C8orf34: variants seen among roughly 807,000 people sequenced by gnomAD.
C8orf34 encodes uncharacterized protein C8orf34.
Under a neutral mutation model 68.3 loss-of-function variants are expected in C8orf34, and 65 were observed. The observed-to-expected ratio is 0.95, with a 90% CI of 0.78 to 1.17. The LOEUF is 1.17. C8orf34 is among the 50% of genes most tolerant of loss of function. The pLI is 0.00. For missense variants in C8orf34, 664 were observed against 655.4 expected (o/e 1.01, Z -0.14); for synonymous variants, 244 against 241.2 (o/e 1.01, Z -0.11).
intron 12 of C8orf34, among the ~76,000 whole-genome samples, chr8:68,794,492 TATATATATATATA>T (rs1252581139): frequency 0.022 from 1,985 of 90,850 alleles, 58 homozygotes; most frequent in Middle Eastern, 0.054. Flanking sequence ...AATATATATA[TATATATATATATA>T]TTTTTTTTTT....
At chr8:68,641,522 G>A (rs142170416) in intron 8 of C8orf34, among the ~76,000 whole-genome samples, 91 of 152,240 alleles carry the variant, frequency 6.0e-4, no homozygotes, top group African/African-American at 2.1e-3. Flanking sequence ...TTTTTTAGTA[G>A]GGCTGTGAAG....
chr8:68,650,635 A>G (rs1200264842), intron 8 of C8orf34, among the ~76,000 whole-genome samples: 2 of 151,538 alleles, frequency 1.3e-5, no homozygotes, highest in Non-Finnish European at 2.9e-5. Context: ...GCCCGCCACC[A>G]CGCCCGGCTA....
chr8:68,598,360 T>C (rs1380569043), intron 7 of C8orf34, among the ~76,000 whole-genome samples: 1 of 152,122 alleles, frequency 6.6e-6, no homozygotes, highest in East Asian at 1.9e-4. Flanking sequence ...TACTTTTGCT[T>C]ATGGAGATCA....
At chr8:68,368,201 T>C (rs1171252642) in intron 1 of C8orf34, among the ~76,000 whole-genome samples, 2 of 152,164 alleles carry the variant, frequency 1.3e-5, no homozygotes, top group East Asian at 1.9e-4. Context: ...TTAATTATGA[T>C]GCAGGAAAGT....
rs530226273 is a variant in C8orf34 at position 68,466,344 on chromosome 8, G to A, written c.608-2348G>A. ...AGAGTAGGGTGACTATAGTTAACAC[G>A]AGTGTACTGTACTCAGTAGATGCAC... On this transcript the variant is annotated intron_variant, in intron 3 of 13. Transcript: ENST00000518698. Among the ~76,000 whole-genome samples the A allele has an allele frequency of 4.6e-5, 7 of 152,066 alleles. No homozygotes were observed. In the South Asian group the frequency reaches 1.2e-3, roughly 27 times the overall value.
chr8:68,504,081 A>T (rs1586275843), intron 5 of C8orf34, among the ~76,000 whole-genome samples: 2 of 151,940 alleles, frequency 1.3e-5, no homozygotes, highest in Non-Finnish European at 1.5e-5. Flanking sequence ...AGTTACTCTC[A>T]CTCCCCAGTC....
chr8:68,570,999 C>T (rs1289654551), intron 7 of C8orf34, among the ~76,000 whole-genome samples: 2 of 152,148 alleles, frequency 1.3e-5, no homozygotes, highest in African/African-American at 4.8e-5. Flanking sequence ...ACTTTTGTTC[C>T]TCTCTTATCA....
intron 1 of C8orf34, among the ~76,000 whole-genome samples, chr8:68,409,400 T>C (rs2591017): frequency 0.56 from 85,760 of 151,846 alleles, 24,267 homozygotes; most frequent in Non-Finnish European, 0.59. Context: ...CCTGACCCTG[T>C]GTAGGCCTAG....
At chr8:68,671,769 C>T (rs908724472) in intron 8 of C8orf34, among the ~76,000 whole-genome samples, 1 of 152,076 alleles carries the variant, frequency 6.6e-6, no homozygotes, top group African/African-American at 2.4e-5. Flanking sequence ...TGGTTTATTT[C>T]TTATTAAATT....
At chr8:68,424,669 G>C (rs944425651) in intron 1 of C8orf34, among the ~76,000 whole-genome samples, 2 of 152,156 alleles carry the variant, frequency 1.3e-5, no homozygotes, top group African/African-American at 4.8e-5. Context: ...GGGAGGCTGA[G>C]GCGGGCAGAT....
intron 12 of C8orf34, among the ~76,000 whole-genome samples, chr8:68,803,814 C>T (rs1824402314): frequency 6.6e-6 from 1 of 151,894 alleles, no homozygotes; most frequent in South Asian, 2.1e-4. Flanking sequence ...ATCAGTGGGT[C>T]ATTTTTTTTT....
chr8:68,559,280 G>T (rs1268018256), intron 7 of C8orf34, among the ~76,000 whole-genome samples: 1 of 152,186 alleles, frequency 6.6e-6, no homozygotes, highest in Non-Finnish European at 1.5e-5. Flanking sequence ...CAGCCTGAGT[G>T]AAGGCTGGTA....
At chr8:68,724,042 C>T (rs1223324719) in intron 10 of C8orf34, among the ~76,000 whole-genome samples, 2 of 152,012 alleles carry the variant, frequency 1.3e-5, no homozygotes, top group African/African-American at 4.8e-5. Flanking sequence ...TGGAATAAAA[C>T]AATACATGAA....
chr8:68,754,835 AT>A (rs1218313415), intron 10 of C8orf34, among the ~76,000 whole-genome samples: 1 of 152,236 alleles, frequency 6.6e-6, no homozygotes, highest in Non-Finnish European at 1.5e-5. Context: ...GGTAGAACAA[AT>A]TTTTCAGGGC....
At chr8:68,505,503 G>C (rs190291642) in intron 5 of C8orf34, among the ~76,000 whole-genome samples, 3 of 94,830 alleles carry the variant, frequency 3.2e-5, no homozygotes, top group Non-Finnish European at 5.6e-5. Context: ...AGGCCGAGGC[G>C]GGTGGATCAT....
intron 1 of C8orf34, among the ~76,000 whole-genome samples, chr8:68,422,148 A>G (rs1810007264): frequency 6.6e-6 from 1 of 152,168 alleles, no homozygotes; most frequent in Non-Finnish European, 1.5e-5. Context: ...ATGTCCTCAC[A>G]TTTCAAAACA....
intron 4 of C8orf34, among the ~76,000 whole-genome samples, chr8:68,486,887 TTTCCTTATCTCTTGGCTCG>T (rs1193242010): frequency 2.0e-5 from 3 of 152,202 alleles, no homozygotes; most frequent in Admixed American, 2.0e-4. Flanking sequence ...ACTTTAGACC[TTTCCTTATCTCTTGGCTCG>T]TTCCCTACAG....
In C8orf34 at chr8:68,737,672, CAAAG is replaced by C. The variant is rs534725786; in HGVS notation, c.1404+16240_1404+16243del. Reference sequence around the variant, plus strand: ...AATCAACAAAGATTAAAAAAAAAGACAAAGAAAGGCATTACATAATGGTAAAGAG... The same window carrying C: ...AATCAACAAAGATTAAAAAAAAAGACAAAGGCATTACATAATGGTAAAGAG... On this transcript the variant is annotated intron_variant, in intron 10 of 13. Transcript: ENST00000518698. Among the ~76,000 whole-genome samples the C allele has an allele frequency of 5.9e-3, 889 of 151,834 alleles. 9 individuals are homozygous for C. The highest frequency in any genetic ancestry group is 0.02 in the African/African-American group (842 of 41,378).
chr8:68,418,635 A>T (rs1201758139), intron 1 of C8orf34, among the ~76,000 whole-genome samples: 1 of 152,214 alleles, frequency 6.6e-6, no homozygotes, highest in Non-Finnish European at 1.5e-5. Flanking sequence ...AAACAGAGAT[A>T]TAGATCAACG....
Sources: allele counts gnomAD v4.1 joint callset (sites outside exome capture counted in the v4.1 genomes callset), GRCh38; gene constraint gnomAD v4.1.1; transcripts MANE v1.5; gene names NCBI Gene and HGNC (gene_info 2026-07-23, HGNC 2026-07-21).